Variants in STPG2 observed in about 807,000 individuals in gnomAD.
STPG2 encodes sperm-tail PG-rich repeat-containing protein 2.
Under a neutral mutation model 54.2 loss-of-function variants are expected in STPG2, and 56 were observed. The ratio of observed to expected loss-of-function variants is 1.03; its 90% CI spans 0.83 to 1.29. The LOEUF (loss-of-function observed/expected upper bound fraction) is 1.29, where lower values mean the gene tolerates loss of function less well. Among genes scored for constraint, STPG2 ranks in the 50% most tolerant of loss-of-function variants. The pLI is 0.00. For missense variants in STPG2, 596 were observed against 544.9 expected, an observed-to-expected ratio of 1.09 and a Z score of -0.93; for synonymous variants, 200 against 181.8, an observed-to-expected ratio of 1.10 and a Z score of -0.81.
At chr4:97,609,109 A>C (rs1425713780) in intron 10 of STPG2, among the ~76,000 whole-genome samples, 1 of 152,108 alleles carries the variant, frequency 6.6e-6, no homozygotes, top group Non-Finnish European at 1.5e-5. Context: ...ACTAAATTTC[A>C]AAACAAAGTT....
At chr4:97,914,717 T>C (rs572980318) in intron 8 of STPG2, among the ~76,000 whole-genome samples, 3 of 152,318 alleles carry the variant, frequency 2.0e-5, no homozygotes, top group African/African-American at 2.4e-5. Flanking sequence ...ACTCGCATTA[T>C]GCCAATTGAG....
chr4:97,803,225 C>T (rs1727450653), intron 9 of STPG2, among the ~76,000 whole-genome samples: 3 of 152,172 alleles, frequency 2.0e-5, no homozygotes. Context: ...GGGGTTCTTT[C>T]AGTCACTTGA....
chr4:97,489,477 T>C lies in STPG2; in HGVS notation c.462+223222A>G, dbSNP rs542682257. ...GAGAGGCTACATATAGTCAAAGAGA[T>C]AGTTCCACACATATGCCAAGATTGT... On this transcript the variant is annotated intron_variant, in intron 4 of 4. Transcript: ENST00000522676. Among the ~76,000 whole-genome samples the C allele has an allele frequency of 1.1e-4, 16 of 151,690 alleles. No individual in the cohort carries two copies. The South Asian group carries it at 2.9e-3, about 28-fold the overall frequency.
At chr4:97,918,519 TAAA>T (rs900737045) in intron 8 of STPG2, among the ~76,000 whole-genome samples, 1 of 151,982 alleles carries the variant, frequency 6.6e-6, no homozygotes, top group African/African-American at 2.4e-5. Context: ...GTATGTGTAA[TAAA>T]AAACTAGTTT....
intron 5 of STPG2, among the ~76,000 whole-genome samples, chr4:97,996,749 C>T (rs1735254450): frequency 6.6e-6 from 1 of 151,874 alleles, no homozygotes; most frequent in Non-Finnish European, 1.5e-5. Context: ...AACAAACAGC[C>T]CCCTTTTGCC....
At chr4:97,856,380 C>CTGGGAA (rs1729337499) in intron 8 of STPG2, among the ~76,000 whole-genome samples, 1 of 152,106 alleles carries the variant, frequency 6.6e-6, no homozygotes, top group East Asian at 1.9e-4. Context: ...CTTCACTTCC[C>CTGGGAA]ATGTTAGCTG....
chr4:98,032,223 C>T (rs182660149), intron 5 of STPG2, among the ~76,000 whole-genome samples: 1 of 152,146 alleles, frequency 6.6e-6, no homozygotes, highest in Admixed American at 6.5e-5. Context: ...GGTATCTACC[C>T]AGAGGAAAAG....
chr4:97,744,703 ATAAC>A (rs1195166771), intron 9 of STPG2, among the ~76,000 whole-genome samples: 1 of 151,438 alleles, frequency 6.6e-6, no homozygotes, highest in African/African-American at 2.4e-5. Context: ...ATTAACAACA[ATAAC>A]TAATAATAAA....
At chr4:97,686,952 TGA>T (rs879693888) in intron 10 of STPG2, among the ~76,000 whole-genome samples, 12 of 148,044 alleles carry the variant, frequency 8.1e-5, no homozygotes, top group African/African-American at 3.0e-4. Flanking sequence ...TTTTTTTTTT[TGA>T]GAGAGAGAGT....
intron 8 of STPG2, among the ~76,000 whole-genome samples, chr4:97,920,349 C>T (rs1028712004): frequency 1.3e-5 from 2 of 152,136 alleles, no homozygotes; most frequent in East Asian, 1.9e-4. Flanking sequence ...TCTTGGTTCT[C>T]AAGGAAGGAA....
intron 2 of STPG2, among the ~76,000 whole-genome samples, chr4:98,133,697 A>T (rs1740061227): frequency 6.6e-6 from 1 of 152,056 alleles, no homozygotes; most frequent in Non-Finnish European, 1.5e-5. Context: ...CTATGATCAT[A>T]CAAATCAAAC....
At chr4:97,769,127 A>G (rs1335137291) in intron 9 of STPG2, among the ~76,000 whole-genome samples, 8 of 152,152 alleles carry the variant, frequency 5.3e-5, no homozygotes, top group Non-Finnish European at 1.2e-4. Flanking sequence ...TCAGTTTCCA[A>G]GGTTACTCTG....
At chr4:97,964,330 C>A (rs529515727) in intron 7 of STPG2, among the ~76,000 whole-genome samples, 106 of 152,174 alleles carry the variant, frequency 7.0e-4, no homozygotes, top group Non-Finnish European at 5.9e-5. Context: ...AGTAAGCACA[C>A]CCTTTGCTGA....
rs58121722 is a variant in STPG2, at chr4:97,840,663, A to G, written c.1204+110T>C. 4 of 1,242,560 alleles carry G rather than the reference A, an allele frequency of 3.2e-6. No homozygotes were observed. The African/African-American group carries it at 6.1e-5, about 19-fold the overall frequency. The allele number at this position is 1,242,560 out of a possible 1,614,324, so 77.0% of individuals were successfully genotyped here. On this transcript the variant is annotated intron_variant, in intron 9 of 10. Transcript: ENST00000295268. ...GAGAAAAATGGTTTTGTTATACATT[A>G]TTTTGCTTAACTTTTCAGTCTCCAA...
intron 4 of STPG2, among the ~76,000 whole-genome samples, chr4:97,551,730 G>A (rs534190362): frequency 1.8e-3 from 277 of 152,228 alleles, no homozygotes; most frequent in Non-Finnish European, 3.1e-3. Context: ...AGGAGCTCTC[G>A]CTCATGTACA....
intron 10 of STPG2, among the ~76,000 whole-genome samples, chr4:97,635,545 C>G (rs1382755743): frequency 6.6e-6 from 1 of 152,068 alleles, no homozygotes; most frequent in Non-Finnish European, 1.5e-5. Context: ...CACAGACTGG[C>G]AAATTGGATA....
chr4:97,871,754 AG>A (rs1729997556), intron 8 of STPG2, among the ~76,000 whole-genome samples: 1 of 151,126 alleles, frequency 6.6e-6, no homozygotes, highest in Admixed American at 6.6e-5. Flanking sequence ...AATTGTTCTA[AG>A]GCATAGAAAA....
At chr4:98,087,218 T>C (rs1053162399) in intron 5 of STPG2, among the ~76,000 whole-genome samples, 3 of 143,878 alleles carry the variant, frequency 2.1e-5, no homozygotes, top group Non-Finnish European at 4.6e-5. Flanking sequence ...CAACATGTTT[T>C]CAAGAATGCA....
chr4:97,466,963 T>C (rs1426342018), intron 4 of STPG2, among the ~76,000 whole-genome samples: 2 of 151,984 alleles, frequency 1.3e-5, no homozygotes, highest in East Asian at 1.9e-4. Context: ...CAAGCTACTA[T>C]AGTCAAAACC....
Sources: gnomAD v4.1 joint callset for allele counts (sites outside exome capture counted in the v4.1 genomes callset) on GRCh38, gnomAD v4.1.1 for gene constraint, MANE v1.5 for transcripts, NCBI Gene and HGNC (gene_info 2026-07-23, HGNC 2026-07-21) for gene names.